The following RAD18 variants were observed in gnomAD, a reference collection of about 807,000 sequenced individuals.
RAD18 encodes the protein E3 ubiquitin-protein ligase RAD18.
A neutral mutation model predicts 60.4 loss-of-function variants in RAD18; 47 were observed. That is an observed-to-expected ratio of 0.78 (90% CI 0.62 to 0.99). RAD18 has a LOEUF of 0.99. RAD18 is among the 50% of genes least tolerant of loss of function. The pLI is 0.00. For synonymous variants in RAD18, 225 were observed against 195.5 expected (o/e 1.15, Z -1.26); for missense variants, 640 against 593.3 (o/e 1.08, Z -0.82).
At chr3:8,944,440 G>A (rs1940806781) in intron 4 of RAD18, among the ~76,000 whole-genome samples, 1 of 152,080 alleles carries the variant, frequency 6.6e-6, no homozygotes, top group Non-Finnish European at 1.5e-5. Flanking sequence ...GGAGGCAGAG[G>A]CAGGAGGATC....
intron 11 of RAD18, among the ~76,000 whole-genome samples, chr3:8,893,469 T>A (rs1387252481): frequency 6.6e-6 from 1 of 152,172 alleles, no homozygotes; most frequent in African/African-American, 2.4e-5. Flanking sequence ...ATAAATTCTG[T>A]CAGCTACCAT....
intron 4 of RAD18, 63 bp downstream of exon 4, chr3:8,947,152 CAAAGT>C (rs1300009740): frequency 3.3e-6 from 4 of 1,222,054 alleles, no homozygotes; most frequent in East Asian, 2.4e-5. Flanking sequence ...CAAAGGTGCA[CAAAGT>C]AAAGAGAGAA....
At chr3:8,894,387 G>A (rs608417) in intron 11 of RAD18, among the ~76,000 whole-genome samples, 113,776 of 152,156 alleles carry the variant, frequency 0.75, 42,981 homozygotes, top group South Asian at 0.88. Context: ...ATAAGTTTAC[G>A]TTCTATTTAC....
Position 8,906,009 on chromosome 3 carries a change from T to C in RAD18, c.1028-3489A>G, listed in dbSNP as rs551400785. 4.6e-5 allele frequency among the ~76,000 whole-genome samples: 7 copies of C among 152,184 alleles called. No individual in the cohort carries two copies. In the South Asian group the frequency reaches 1.5e-3, roughly 32 times the overall value. On this transcript the variant is annotated intron_variant, in intron 9 of 12. Coordinates refer to ENST00000264926, the MANE Select transcript of RAD18 (RefSeq NM_020165.4). ...TAATTAAAGGCTAACCTCTAACTTATGCTCAGGATTCCATCATGAAGCTGT... is the reference window on the plus strand; with the variant it reads ...TAATTAAAGGCTAACCTCTAACTTACGCTCAGGATTCCATCATGAAGCTGT...
intron 7 of RAD18, among the ~76,000 whole-genome samples, chr3:8,918,292 T>TG (rs1403063273): frequency 1.7e-5 from 2 of 118,298 alleles, no homozygotes; most frequent in African/African-American, 6.7e-5. Context: ...CACTCCAGCC[T>TG]GGGCAACTAG....
intron 7 of RAD18, among the ~76,000 whole-genome samples, chr3:8,918,382 A>G (rs148511757): frequency 1.3e-4 from 20 of 152,068 alleles, no homozygotes; most frequent in African/African-American, 4.8e-4. Flanking sequence ...TACCAAGAAG[A>G]CATAATCTTA....
chr3:8,901,664 G>T (rs1159383736), intron 10 of RAD18, among the ~76,000 whole-genome samples: 1 of 152,118 alleles, frequency 6.6e-6, no homozygotes, highest in African/African-American at 2.4e-5. Context: ...CGGAAGAGTT[G>T]CTATTTCATG....
chr3:8,909,915 C>T (rs553433692), intron 9 of RAD18, among the ~76,000 whole-genome samples: 23 of 152,304 alleles, frequency 1.5e-4, no homozygotes, highest in Admixed American at 1.2e-3. Context: ...CATCCTAGGC[C>T]GCAGTTTAGA....
chr3:8,926,819 T>C (rs1423159290), intron 7 of RAD18, among the ~76,000 whole-genome samples: 2 of 152,232 alleles, frequency 1.3e-5, no homozygotes, highest in Non-Finnish European at 2.9e-5. Flanking sequence ...AAGGATTCCC[T>C]ATTTAATAAA....
intron 12 of RAD18, among the ~76,000 whole-genome samples, chr3:8,887,802 A>G (rs1436957565): frequency 2.0e-5 from 3 of 152,236 alleles, no homozygotes; most frequent in Admixed American, 6.5e-5. Flanking sequence ...ACATCATAAT[A>G]TATAGCCTTT....
chr3:8,926,361 G>T (rs1290647698), intron 7 of RAD18, among the ~76,000 whole-genome samples: 2 of 152,098 alleles, frequency 1.3e-5, no homozygotes, highest in Non-Finnish European at 2.9e-5. Flanking sequence ...AGGATGTGAA[G>T]GACCTCTTCA....
chr3:8,927,587 G>A (rs927146344), intron 7 of RAD18, among the ~76,000 whole-genome samples: 1 of 152,146 alleles, frequency 6.6e-6, no homozygotes, highest in Non-Finnish European at 1.5e-5. Context: ...TATAAACCAT[G>A]CTGCTATTAA....
In RAD18 at chr3:8,939,580, G is replaced by C. The variant is rs772985335; in HGVS notation, c.678C>G (p.Arg226=). Residue 226 remains arginine (R), a synonymous_variant, in exon 6 of 13, where the codon CGC becomes CGG. Transcript: ENST00000264926. The part of the protein sequence containing the change: ...INKHLDSCLS[R]EEKKESLRSS... Reference sequence around the variant, plus strand: ...TTCTGAGGCTTTCCTTCTTCTCTTCGCGTGATAAACAGCTGTCTAAATGCT... The same window carrying C: ...TTCTGAGGCTTTCCTTCTTCTCTTCCCGTGATAAACAGCTGTCTAAATGCT... 2 of 1,612,582 alleles carry C rather than the reference G, an allele frequency of 1.2e-6. No individual in the cohort carries two copies. Among genetic ancestry groups the C allele is most frequent in the Admixed American group, 3.3e-5 (2 of 59,922 alleles).
In RAD18 at chr3:8,879,634, C is replaced by T. The variant is rs1032797564; in HGVS notation, c.*1723G>A. 8 of 152,348 alleles carry T rather than the reference C, an allele frequency of 5.3e-5. No individual in the cohort carries two copies. Among genetic ancestry groups the T allele is most frequent in the African/African-American group, 1.7e-4 (7 of 41,458 alleles). 9.4% of individuals were successfully genotyped at this position (152,348 alleles called of 1,614,324 possible). A position where few individuals can be genotyped will look rare whatever the true frequency, so the allele number is the denominator to read the frequency against. ...ACCCATTGATACTGGTAGTACCCCT[C>T]ACCACCCTCCACCTCCAAAAGTGTC... On this transcript the variant is annotated 3_prime_UTR_variant, in exon 13 of 13. Transcript: ENST00000264926.
rs149282823 is a variant in RAD18, at chr3:8,916,013, C to T, written c.890-2293G>A. Among the ~76,000 whole-genome samples the T allele has an allele frequency of 7.4e-3, 1,130 of 152,290 alleles. 17 individuals are homozygous for T. Among genetic ancestry groups the T allele is most frequent in the African/African-American group, 0.026 (1,064 of 41,558 alleles). Reference sequence around the variant, plus strand: ...TCCATTCCTGGCAAAAGAGAACCACCCCCACTGCAGGATGGACATGAAGCC... The same window carrying T: ...TCCATTCCTGGCAAAAGAGAACCACTCCCACTGCAGGATGGACATGAAGCC... On this transcript the variant is annotated intron_variant, in intron 7 of 12. Coordinates refer to ENST00000264926, the MANE Select transcript of RAD18 (RefSeq NM_020165.4).
chr3:8,953,944 T>C (rs1940966063), intron 2 of RAD18, among the ~76,000 whole-genome samples: 1 of 152,358 alleles, frequency 6.6e-6, no homozygotes, highest in South Asian at 2.1e-4. Context: ...TACGAAACCT[T>C]TGCTAATTCA....
intron 12 of RAD18, 199 bp downstream of exon 12, chr3:8,890,190 T>C (rs536749643): frequency 1.8e-6 from 1 of 568,762 alleles, no homozygotes; most frequent in Non-Finnish European, 3.1e-6. Context: ...GATACATAAC[T>C]ACAGTTATTA....
intron 7 of RAD18, among the ~76,000 whole-genome samples, chr3:8,920,542 G>T (rs1015263079): frequency 6.6e-6 from 1 of 152,164 alleles, no homozygotes; most frequent in Non-Finnish European, 1.5e-5. Flanking sequence ...TAGTAGCAAG[G>T]CAGCGGATGT....
intron 7 of RAD18, among the ~76,000 whole-genome samples, chr3:8,917,483 A>G (rs1940226014): frequency 6.6e-6 from 1 of 152,172 alleles, no homozygotes; most frequent in African/African-American, 2.4e-5. Flanking sequence ...CAGTATATGT[A>G]AAAGGAATTC....
Sources: allele counts gnomAD v4.1 joint callset (sites outside exome capture counted in the v4.1 genomes callset), GRCh38; gene constraint gnomAD v4.1.1; transcripts MANE v1.5; gene names NCBI Gene and HGNC (gene_info 2026-07-23, HGNC 2026-07-21).